ANXA1: variants seen among roughly 807,000 people sequenced by gnomAD.
ANXA1 encodes the protein annexin A1.
Under a neutral mutation model 47.9 loss-of-function variants are expected in ANXA1, and 39 were observed. That is an observed-to-expected ratio of 0.81 (90% CI 0.63 to 1.06). ANXA1 has a LOEUF of 1.06. Ranked by LOEUF, ANXA1 falls within the 50% of genes least tolerant of loss-of-function variation. The pLI is 0.00. For missense variants in ANXA1, 446 were observed against 422.7 expected (o/e 1.06, Z -0.48); for synonymous variants, 146 against 142.5 (o/e 1.02, Z -0.17).
At chr9:73,161,518 A>C (rs1023064572) in intron 6 of ANXA1, among the ~76,000 whole-genome samples, 1 of 152,108 alleles carries the variant, frequency 6.6e-6, no homozygotes, top group Non-Finnish European at 1.5e-5. Flanking sequence ...GGGTAATTGC[A>C]AGTCTCTTAC....
At position 73,165,216 on chromosome 9, in the gene ANXA1, A is replaced by C; in HGVS notation, c.706+7A>C. 1 of 1,609,646 alleles carries C rather than the reference A, an allele frequency of 6.2e-7. No homozygotes were observed. The highest frequency in any genetic ancestry group is 1.7e-4 in the Middle Eastern group (1 of 6,038). On this transcript the variant is annotated splice_region_variant and intron_variant, in intron 9 of 12. Coordinates refer to ENST00000257497, the MANE Select transcript of ANXA1 (RefSeq NM_000700.3). The stretch of plus-strand genomic sequence containing the variant: ...TATCCACAACTTCGCAGAGGTAACA[A>C]TAAATTTCTTTTTCTGGAATCTGTT...
intron 11 of ANXA1, chr9:73,168,651 C>G (rs986350799): frequency 6.4e-6 from 1 of 156,594 alleles, no homozygotes; most frequent in African/African-American, 2.4e-5. Flanking sequence ...GGCAGGATAT[C>G]GGAAGCCCTG....
chr9:73,154,471 T>C, intron 1 of ANXA1: 2 of 835,576 alleles, frequency 2.4e-6, no homozygotes, highest in Non-Finnish European at 1.7e-6. Flanking sequence ...AGTCTTGTTA[T>C]GTCGCCCAGG....
intron 6 of ANXA1, 95 bp downstream of exon 6, chr9:73,160,988 T>C (rs1824133860): frequency 1.1e-5 from 9 of 793,388 alleles, no homozygotes; most frequent in Admixed American, 4.8e-5. Flanking sequence ...TTATGGCAGC[T>C]TTGGAATCTC....
At chr9:73,162,642 A>T (rs1824162544) in intron 6 of ANXA1, 140 bp from the exon 7 acceptor site, 3 of 516,236 alleles carry the variant, frequency 5.8e-6, no homozygotes, top group Non-Finnish European at 6.6e-6. Flanking sequence ...CTTATTTAAA[A>T]ATGATAATAT....
chr9:73,163,667 A>C (rs1344982775), intron 8 of ANXA1, 135 bp downstream of exon 8: 3 of 812,168 alleles, frequency 3.7e-6, no homozygotes, highest in Non-Finnish European at 5.8e-6. Context: ...TTCCTGAATG[A>C]GGCATGTCTT....
intron 3 of ANXA1, 22 bp downstream of exon 3, chr9:73,158,825 G>A: frequency 6.3e-7 from 1 of 1,580,950 alleles, no homozygotes; most frequent in Non-Finnish European, 8.7e-7. Flanking sequence ...CCTCAAAACA[G>A]TTCCCTCCTG....
rs12683976 is a variant in ANXA1 at position 73,169,354 on chromosome 9, A to G, written c.984+200A>G. Among the ~76,000 whole-genome samples, 20 of 152,224 alleles carry G rather than the reference A, an allele frequency of 1.3e-4. No individual in the cohort carries two copies. In the East Asian group the frequency reaches 3.7e-3, roughly 28 times the overall value. ...AGTTCTCTACTGAAATACTGGGTAC[A>G]TTTTTCAACTAAAGTCATGGAAACA... On this transcript the variant is annotated intron_variant, in intron 12 of 12. Transcript: ENST00000257497.
chr9:73,168,010 A>T lies in ANXA1; in HGVS notation c.861+455A>T, dbSNP rs114886948. On this transcript the variant is annotated intron_variant, in intron 11 of 12. Coordinates refer to ENST00000257497, the MANE Select transcript of ANXA1 (RefSeq NM_000700.3). ...TATGATTAAGGATGTAGAATGATGTATTTGAGATCAACTATGTCACTTTAA... is the reference window on the plus strand; with the variant it reads ...TATGATTAAGGATGTAGAATGATGTTTTTGAGATCAACTATGTCACTTTAA... 425 of 156,914 alleles carry T rather than the reference A, an allele frequency of 2.7e-3. 3 individuals are homozygous for T. The highest frequency in any genetic ancestry group is 9.5e-3 in the African/African-American group (397 of 41,602). The allele number at this position is 156,914 out of a possible 1,614,324, so 9.7% of individuals were successfully genotyped here. A position where few individuals can be genotyped will look rare whatever the true frequency, so the allele number is the denominator to read the frequency against.
chr9:73,158,274 T>A (rs1026418080), intron 1 of ANXA1: 1 of 403,996 alleles, frequency 2.5e-6, no homozygotes, highest in Non-Finnish European at 4.6e-6. Context: ...TCTCTAAAAT[T>A]TAGAACTGAA....
chr9:73,161,218 C>T (rs947777672), intron 6 of ANXA1, among the ~76,000 whole-genome samples: 4 of 152,026 alleles, frequency 2.6e-5, no homozygotes, highest in African/African-American at 9.7e-5. Flanking sequence ...CTGAAAAACA[C>T]TTTTCTATTA....
chr9:73,163,564 T>A (rs1420088249), intron 8 of ANXA1, 32 bp downstream of exon 8: 2 of 1,608,392 alleles, frequency 1.2e-6, no homozygotes, highest in Non-Finnish European at 1.7e-6. Flanking sequence ...ACTGCTGCAG[T>A]TCATCTTCCT....
intron 1 of ANXA1, among the ~76,000 whole-genome samples, chr9:73,153,059 G>A (rs1008493450): frequency 6.6e-6 from 1 of 152,138 alleles, no homozygotes; most frequent in Non-Finnish European, 1.5e-5. Flanking sequence ...CTCAAATGTG[G>A]TAAAATGTTG....
intron 5 of ANXA1, 24 bp downstream of exon 5, chr9:73,160,400 C>A: frequency 6.7e-7 from 1 of 1,497,858 alleles, no homozygotes; most frequent in East Asian, 2.4e-5. Flanking sequence ...TTTGAGCAAA[C>A]TCCTTTCCTC....
chr9:73,153,786 G>A (rs1824005814), intron 1 of ANXA1, among the ~76,000 whole-genome samples: 1 of 152,162 alleles, frequency 6.6e-6, no homozygotes, highest in African/African-American at 2.4e-5. Context: ...CATTTTGCTA[G>A]GGATTGGAAG....
intron 1 of ANXA1, chr9:73,154,385 G>T (rs911762115): frequency 3.7e-6 from 5 of 1,351,550 alleles, no homozygotes; most frequent in Non-Finnish European, 5.0e-6. Context: ...TTTCTTTTTG[G>T]TCACTAATTC....
rs1034038213 is a variant in ANXA1, at chr9:73,170,174, T to C, written c.*67T>C. The C allele has an allele frequency of 7.3e-7, 1 of 1,373,682 alleles. No individual in the cohort carries two copies. Among genetic ancestry groups the C allele is most frequent in the Non-Finnish European group, 1.0e-6 (1 of 999,392 alleles). The allele number at this position is 1,373,682 out of a possible 1,614,324, so 85.1% of individuals were successfully genotyped here. On this transcript the variant is annotated 3_prime_UTR_variant, in exon 13 of 13. Coordinates refer to ENST00000257497, the MANE Select transcript of ANXA1 (RefSeq NM_000700.3). ...ATTATATATTTTCATCCTATAAGCTTAAATAGGAAAGTTTCTTCAACAGGA... is the reference window on the plus strand; with the variant it reads ...ATTATATATTTTCATCCTATAAGCTCAAATAGGAAAGTTTCTTCAACAGGA...
intron 12 of ANXA1, 37 bp downstream of exon 12, chr9:73,169,191 G>C (rs1332707809): frequency 2.6e-6 from 4 of 1,557,188 alleles, no homozygotes; most frequent in African/African-American, 2.8e-5. Context: ...CCCAACAAAT[G>C]AAAGTTCTTT....
In ANXA1 at chr9:73,170,330, T is replaced by C. The variant is rs1233602827; in HGVS notation, c.*223T>C. On this transcript the variant is annotated 3_prime_UTR_variant, in exon 13 of 13. Coordinates refer to ENST00000257497, the MANE Select transcript of ANXA1 (RefSeq NM_000700.3). ...AAACCATAAAACCCTATACAAGTTG[T>C]TCTAGTAACAATACATGAGAAAGAT... The C allele has an allele frequency of 2.8e-6, 1 of 360,870 alleles. No individual in the cohort carries two copies. Among genetic ancestry groups the C allele is most frequent in the Non-Finnish European group, 4.9e-6 (1 of 202,812 alleles). The allele number at this position is 360,870 out of a possible 1,614,324, so 22.4% of individuals were successfully genotyped here.
Sources: allele counts gnomAD v4.1 joint callset (sites outside exome capture counted in the v4.1 genomes callset), GRCh38; gene constraint gnomAD v4.1.1; transcripts MANE v1.5; gene names NCBI Gene and HGNC (gene_info 2026-07-23, HGNC 2026-07-21).